Variants in CADM1 observed in about 807,000 individuals in gnomAD.
CADM1 encodes cell adhesion molecule 1.
A neutral mutation model predicts 53.1 loss-of-function variants in CADM1; 15 were observed. That is an observed-to-expected ratio of 0.28 (90% CI 0.19 to 0.44). The LOEUF is 0.44. Among genes scored for constraint, CADM1 ranks in the 20% least tolerant of loss-of-function variants. The pLI is 1.00. For missense variants in CADM1, 434 were observed against 611.3 expected, an observed-to-expected ratio of 0.71 and a Z score of 3.06; for synonymous variants, 281 against 243.0, an observed-to-expected ratio of 1.16 and a Z score of -1.45.
intron 1 of CADM1, among the ~76,000 whole-genome samples, chr11:115,275,747 G>A (rs1943426656): frequency 6.6e-6 from 1 of 152,190 alleles, no homozygotes; most frequent in African/African-American, 2.4e-5. Context: ...AGAGGACCCA[G>A]TAAGCCTTAA....
At chr11:115,291,441 G>A (rs1284955576) in intron 1 of CADM1, among the ~76,000 whole-genome samples, 1 of 152,102 alleles carries the variant, frequency 6.6e-6, no homozygotes, top group African/African-American at 2.4e-5. Context: ...TCTAAAAGCT[G>A]CATCTTTAAA....
At chr11:115,486,296 C>T (rs1046278287) in intron 1 of CADM1, among the ~76,000 whole-genome samples, 9 of 152,152 alleles carry the variant, frequency 5.9e-5, no homozygotes, top group African/African-American at 2.2e-4. Context: ...CCTGATGTTA[C>T]TTCACTGTTC....
At chr11:115,379,823 C>G (rs1946530341) in intron 1 of CADM1, among the ~76,000 whole-genome samples, 3 of 152,154 alleles carry the variant, frequency 2.0e-5, no homozygotes, top group Admixed American at 6.5e-5. Context: ...CAAAAACTCC[C>G]TACAGAAACT....
intron 1 of CADM1, among the ~76,000 whole-genome samples, chr11:115,349,047 T>A (rs1209993798): frequency 6.6e-6 from 1 of 152,218 alleles, no homozygotes; most frequent in African/African-American, 2.4e-5. Context: ...CTTCCAGACA[T>A]GCAATCAACT....
intron 1 of CADM1, among the ~76,000 whole-genome samples, chr11:115,340,637 T>C (rs1308286454): frequency 2.9e-5 from 1 of 34,294 alleles, no homozygotes; most frequent in Non-Finnish European, 6.1e-5. Context: ...TATATATATA[T>C]ATATATATAT....
At chr11:115,264,468 A>G (rs1050994097) in intron 1 of CADM1, among the ~76,000 whole-genome samples, 2 of 152,242 alleles carry the variant, frequency 1.3e-5, no homozygotes, top group African/African-American at 2.4e-5. Context: ...CATCTATTGT[A>G]GCAACCAAGG....
intron 1 of CADM1, among the ~76,000 whole-genome samples, chr11:115,458,163 A>G (rs1948719492): frequency 6.6e-6 from 1 of 151,792 alleles, no homozygotes; most frequent in Non-Finnish European, 1.5e-5. Context: ...AGCTCTGATT[A>G]ATTTTCAAAA....
At chr11:115,492,743 G>T (rs533831718) in intron 1 of CADM1, among the ~76,000 whole-genome samples, 1 of 152,200 alleles carries the variant, frequency 6.6e-6, no homozygotes, top group Non-Finnish European at 1.5e-5. Flanking sequence ...CACAAATAAG[G>T]AATGGGAGAT....
intron 1 of CADM1, among the ~76,000 whole-genome samples, chr11:115,482,195 G>C (rs1183502184): frequency 6.6e-6 from 1 of 152,028 alleles, no homozygotes; most frequent in African/African-American, 2.4e-5. Context: ...CTCAACTCAA[G>C]AGACCCCCTA....
chr11:115,203,690 A>T (rs1237627645), intron 8 of CADM1, among the ~76,000 whole-genome samples: 1 of 152,188 alleles, frequency 6.6e-6, no homozygotes, highest in Non-Finnish European at 1.5e-5. Flanking sequence ...TGATAGAGGC[A>T]TTAAAAACTT....
At chr11:115,476,318 A>C (rs1430493142) in intron 1 of CADM1, among the ~76,000 whole-genome samples, 1 of 152,240 alleles carries the variant, frequency 6.6e-6, no homozygotes, top group African/African-American at 2.4e-5. Context: ...AGTCAATACT[A>C]AAGTATCTAA....
chr11:115,433,326 T>G (rs891287123), intron 1 of CADM1, among the ~76,000 whole-genome samples: 5 of 152,212 alleles, frequency 3.3e-5, no homozygotes, highest in African/African-American at 4.8e-5. Context: ...GTAGCTCTAT[T>G]CAAGTGAGTG....
Position 115,169,412 on chromosome 11 carries a change from G to A in CADM1, c.*7062C>T. 2.8e-6 allele frequency: 1 copy of A among 350,878 alleles called. No homozygotes were observed. Among genetic ancestry groups the A allele is most frequent in the Non-Finnish European group, 5.6e-6 (1 of 177,170 alleles). The allele number at this position is 350,878 out of a possible 1,614,324, so 21.7% of individuals were successfully genotyped here. ...CATTTCTGGCTGTGTTAAGAATCAA[G>A]CCATCAAGAACAGCTGTGAATGTTA... On this transcript the variant is annotated 3_prime_UTR_variant, in exon 12 of 12. Transcript: ENST00000331581.
chr11:115,256,213 C>CT (rs1438650652), intron 1 of CADM1, among the ~76,000 whole-genome samples: 1 of 152,188 alleles, frequency 6.6e-6, no homozygotes, highest in African/African-American at 2.4e-5. Flanking sequence ...TAAAAGCTAT[C>CT]TTACCCATTA....
intron 9 of CADM1, among the ~76,000 whole-genome samples, chr11:115,195,378 T>C (rs1462808933): frequency 6.6e-6 from 1 of 152,238 alleles, no homozygotes; most frequent in African/African-American, 2.4e-5. Context: ...AATATTTTAA[T>C]GAGTCTTCAA....
chr11:115,422,991 G>C (rs1485650384), intron 1 of CADM1, among the ~76,000 whole-genome samples: 2 of 149,852 alleles, frequency 1.3e-5, no homozygotes, highest in African/African-American at 4.9e-5. Flanking sequence ...GAAAGTTACT[G>C]AACACAGTAA....
intron 3 of CADM1, among the ~76,000 whole-genome samples, chr11:115,238,138 G>T (rs543145075): frequency 6.6e-6 from 1 of 152,156 alleles, no homozygotes; most frequent in Admixed American, 6.5e-5. Context: ...CTGCCATGGG[G>T]TATAGATTTG....
intron 1 of CADM1, among the ~76,000 whole-genome samples, chr11:115,497,542 G>T (rs1449924300): frequency 6.6e-6 from 1 of 152,146 alleles, no homozygotes; most frequent in African/African-American, 2.4e-5. Context: ...AAGCTTTTGA[G>T]AACCAGCACT....
intron 3 of CADM1, among the ~76,000 whole-genome samples, chr11:115,233,761 T>G (rs916807869): frequency 1.3e-5 from 2 of 151,834 alleles, no homozygotes; most frequent in Non-Finnish European, 2.9e-5. Flanking sequence ...ATAGGAGTGA[T>G]GAAAATAATT....
Sources: gnomAD v4.1 joint callset for allele counts (sites outside exome capture counted in the v4.1 genomes callset) on GRCh38, gnomAD v4.1.1 for gene constraint, MANE v1.5 for transcripts, NCBI Gene and HGNC (gene_info 2026-07-23, HGNC 2026-07-21) for gene names.